The following RORB variants were observed in gnomAD, a reference collection of about 807,000 sequenced individuals.
RORB encodes the protein nuclear receptor ROR-beta.
RORB carries 6 observed loss-of-function variants against 59.1 expected under a neutral mutation model. The ratio of observed to expected loss-of-function variants is 0.10; its 90% confidence interval spans 0.06 to 0.20. The LOEUF (loss-of-function observed/expected upper bound fraction) is 0.20. Among genes scored for constraint, RORB ranks in the 10% least tolerant of loss-of-function variants. RORB has a pLI of 1.00. For synonymous variants in RORB, 215 were observed against 204.5 expected (o/e 1.05, Z -0.44); for missense variants, 320 against 560.5 (o/e 0.57, Z 4.33).
chr9:74,561,199 C>A (rs925038875), intron 1 of RORB, among the ~76,000 whole-genome samples: 1 of 151,982 alleles, frequency 6.6e-6, no homozygotes, highest in South Asian at 2.1e-4. Flanking sequence ...AGTCTCTCCC[C>A]GAGATGTGAG....
chr9:74,662,626 G>A lies in RORB; in HGVS notation c.892+20G>A, dbSNP rs2296829. 9.2e-4 allele frequency: 1,481 copies of A among 1,611,330 alleles called. 25 individuals are homozygous for A. The East Asian group carries it at 0.029, about 32-fold the overall frequency. On this transcript the variant is annotated intron_variant, in intron 6 of 9. Transcript: ENST00000376896. ...AGTCAGGTAAGCAAGAAGATTCATG[G>A]GAGGCCTATTTCAGATAAGGATGTG... is the stretch of plus-strand genomic sequence containing the variant.
chr9:74,662,081 C>T (rs1442270842), intron 5 of RORB, among the ~76,000 whole-genome samples: 1 of 152,072 alleles, frequency 6.6e-6, no homozygotes, highest in Non-Finnish European at 1.5e-5. Context: ...AATCACTATC[C>T]CTCAATGCAA....
chr9:74,591,838 C>A (rs981340392), intron 1 of RORB, among the ~76,000 whole-genome samples: 3 of 151,880 alleles, frequency 2.0e-5, no homozygotes, highest in African/African-American at 7.3e-5. Context: ...CATATTTTAC[C>A]AAACATTTTT....
intron 1 of RORB, among the ~76,000 whole-genome samples, chr9:74,526,100 A>C (rs1826152626): frequency 6.6e-6 from 1 of 151,942 alleles, no homozygotes; most frequent in Non-Finnish European, 1.5e-5. Context: ...GAATCACTCA[A>C]GTTGTAGTAG....
intron 1 of RORB, among the ~76,000 whole-genome samples, chr9:74,540,637 A>T (rs73652813): frequency 0.032 from 4,851 of 152,050 alleles, 225 homozygotes; most frequent in African/African-American, 0.11. Flanking sequence ...TGGTACAGGG[A>T]TCTTTCTCAT....
At chr9:74,512,924 A>C (rs1683380819) in intron 1 of RORB, among the ~76,000 whole-genome samples, 1 of 152,148 alleles carries the variant, frequency 6.6e-6, no homozygotes, top group Admixed American at 6.5e-5. Context: ...AAAACAGACA[A>C]TTTGAAATAT....
intron 4 of RORB, among the ~76,000 whole-genome samples, chr9:74,656,822 G>T (rs1449990986): frequency 6.6e-6 from 1 of 152,018 alleles, no homozygotes; most frequent in Non-Finnish European, 1.5e-5. Flanking sequence ...TCTCTGAATT[G>T]GTAAAATTCA....
At chr9:74,616,478 G>C (rs1026499038) in intron 1 of RORB, among the ~76,000 whole-genome samples, 2 of 152,154 alleles carry the variant, frequency 1.3e-5, no homozygotes, top group Non-Finnish European at 2.9e-5. Flanking sequence ...AGTAGATACT[G>C]TTTCTGTGCA....
intron 4 of RORB, among the ~76,000 whole-genome samples, chr9:74,645,877 G>C (rs1823889010): frequency 6.6e-6 from 1 of 152,048 alleles, no homozygotes; most frequent in African/African-American, 2.4e-5. Context: ...ACCAATGGCA[G>C]CTCCTCACAA....
In RORB at chr9:74,550,729, C is replaced by A. The variant is rs144700404; in HGVS notation, c.7+52746C>A. On this transcript the variant is annotated intron_variant, in intron 1 of 9. Transcript: ENST00000376896. ...CCTATATGCTGGTAATCATAAACAG[C>A]AAAATCTAAAGGGCAGCCCAAAGAA... Among the ~76,000 whole-genome samples, 13 of 152,250 alleles carry A rather than the reference C, an allele frequency of 8.5e-5. No individual in the cohort carries two copies. The East Asian group carries it at 2.5e-3, about 29-fold the overall frequency.
chr9:74,662,908 G>A (rs544407205), intron 6 of RORB, among the ~76,000 whole-genome samples: 7 of 152,000 alleles, frequency 4.6e-5, no homozygotes, highest in South Asian at 4.2e-4. Context: ...TTGCTGAGCC[G>A]GCGCTAAAAC....
intron 8 of RORB, 102 bp from the exon 9 acceptor site, chr9:74,671,687 A>G: frequency 1.6e-6 from 1 of 618,670 alleles, no homozygotes; most frequent in Non-Finnish European, 2.8e-6. Context: ...GCAACTTAGA[A>G]CTAAATAATA....
In RORB at chr9:74,514,127, T is replaced by C. The variant is rs138329651; in HGVS notation, c.7+16144T>C. On this transcript the variant is annotated intron_variant, in intron 1 of 9. Coordinates refer to ENST00000376896, the MANE Select transcript of RORB (RefSeq NM_006914.4). ...TTAGATGACCACGCACAATCATATC[T>C]GAGAAGCTTTGGACAACAGCTACTG... Among the ~76,000 whole-genome samples the C allele has an allele frequency of 8.7e-3, 1,328 of 152,252 alleles. 10 individuals are homozygous for C. The highest frequency in any genetic ancestry group is 0.014 in the Non-Finnish European group (928 of 67,994).
At chr9:74,548,172 G>T (rs1020903392) in intron 1 of RORB, among the ~76,000 whole-genome samples, 1 of 152,312 alleles carries the variant, frequency 6.6e-6, no homozygotes. Flanking sequence ...ATGACCGTGT[G>T]GGGAGAGGGT....
chr9:74,511,194 G>C (rs1279048108), intron 1 of RORB, among the ~76,000 whole-genome samples: 1 of 152,002 alleles, frequency 6.6e-6, no homozygotes. Context: ...TACGTCACTG[G>C]CATTAAATCT....
At chr9:74,626,259 C>G (rs1365203403) in intron 1 of RORB, among the ~76,000 whole-genome samples, 8 of 152,084 alleles carry the variant, frequency 5.3e-5, no homozygotes, top group Non-Finnish European at 2.9e-5. Context: ...AGATAGTAAA[C>G]TAATTGTACT....
chr9:74,630,677 C>T (rs181034755), intron 2 of RORB, among the ~76,000 whole-genome samples: 1 of 152,118 alleles, frequency 6.6e-6, no homozygotes, highest in Non-Finnish European at 1.5e-5. Context: ...CCAGTAAATT[C>T]CAAGGCACTT....
chr9:74,681,408 G>A lies in RORB; in HGVS notation c.1225-4055G>A, dbSNP rs190756045. Among the ~76,000 whole-genome samples, 6 of 152,288 alleles carry A rather than the reference G, an allele frequency of 3.9e-5. No homozygotes were observed. In the South Asian group the frequency reaches 8.3e-4, roughly 21 times the overall value. Reference sequence around the variant, plus strand: ...CTCCAGAGTGATGGATGCCCCTATCGGCACTTCTGTTTCCACAGCCGACTG... The same window carrying A: ...CTCCAGAGTGATGGATGCCCCTATCAGCACTTCTGTTTCCACAGCCGACTG... On this transcript the variant is annotated intron_variant, in intron 9 of 9. Coordinates refer to ENST00000376896, the MANE Select transcript of RORB (RefSeq NM_006914.4).
intron 6 of RORB, among the ~76,000 whole-genome samples, chr9:74,663,066 C>A (rs533480273): frequency 6.6e-6 from 1 of 152,308 alleles, no homozygotes; most frequent in Admixed American, 6.5e-5. Context: ...CTTTCCCTAC[C>A]CTTCCCTAAC....
Sources: allele counts gnomAD v4.1 joint callset (sites outside exome capture counted in the v4.1 genomes callset), GRCh38; gene constraint gnomAD v4.1.1; transcripts MANE v1.5; gene names NCBI Gene and HGNC (gene_info 2026-07-23, HGNC 2026-07-21).